The following GPC5 variants were observed in gnomAD, a reference collection of about 807,000 sequenced individuals.
GPC5 encodes glypican 5.
A neutral mutation model predicts 53.9 loss-of-function variants in GPC5; 47 were observed. The ratio of observed to expected loss-of-function variants is 0.87; its 90% CI spans 0.69 to 1.11. GPC5 has a LOEUF of 1.11. GPC5 is among the 50% of genes most tolerant of loss of function. The pLI is 0.00. For synonymous variants in GPC5, 286 were observed against 263.3 expected, an observed-to-expected ratio of 1.09 and a Z score of -0.84; for missense variants, 748 against 713.1, an observed-to-expected ratio of 1.05 and a Z score of -0.56.
chr13:92,807,158 T>C (rs1877127201), intron 7 of GPC5, among the ~76,000 whole-genome samples: 1 of 152,082 alleles, frequency 6.6e-6, no homozygotes, highest in African/African-American at 2.4e-5. Context: ...CATATAAAGA[T>C]TTTGCTATTA....
At position 92,249,580 on chromosome 13, in the gene GPC5, T is replaced by C. The variant is rs572871927; in HGVS notation, c.1561+104591T>C. Among the ~76,000 whole-genome samples the C allele has an allele frequency of 4.6e-5, 7 of 152,176 alleles. No homozygotes were observed. In the East Asian group the frequency reaches 1.2e-3, roughly 25 times the overall value. On this transcript the variant is annotated intron_variant, in intron 7 of 7. Transcript: ENST00000377067. ...TCCTACTGTCACTTTTCTTTTCTTA[T>C]GGATTAGCATTGAGGGGATGGTCAG...
At chr13:92,069,410 G>A (rs1030734281) in intron 6 of GPC5, among the ~76,000 whole-genome samples, 2 of 32,368 alleles carry the variant, frequency 6.2e-5, no homozygotes, top group African/African-American at 1.8e-4. Flanking sequence ...GTGCGTGCAT[G>A]TGTGTGTGTG....
At chr13:92,480,290 A>G (rs9523677) in intron 7 of GPC5, among the ~76,000 whole-genome samples, 23,144 of 152,144 alleles carry the variant, frequency 0.15, 2,326 homozygotes, top group Non-Finnish European at 0.22. Flanking sequence ...TTAAATGTGA[A>G]CATTGCCTTG....
At chr13:91,421,108 A>G (rs1399017418) in intron 1 of GPC5, among the ~76,000 whole-genome samples, 1 of 152,226 alleles carries the variant, frequency 6.6e-6, no homozygotes, top group Non-Finnish European at 1.5e-5. Context: ...TCTACCAATC[A>G]TTACAAATTA....
chr13:92,112,894 C>T (rs2138930305), intron 6 of GPC5, among the ~76,000 whole-genome samples: 1 of 152,210 alleles, frequency 6.6e-6, no homozygotes, highest in Admixed American at 6.5e-5. Flanking sequence ...TACATGAAAG[C>T]ATTTATGCCT....
At chr13:91,406,233 A>G (rs1004057501) in intron 1 of GPC5, among the ~76,000 whole-genome samples, 7 of 152,228 alleles carry the variant, frequency 4.6e-5, no homozygotes, top group African/African-American at 1.7e-4. Flanking sequence ...GAATAATTTA[A>G]TAAAGCTTTA....
chr13:91,929,454 T>A (rs1431859042), intron 6 of GPC5, among the ~76,000 whole-genome samples: 3 of 152,164 alleles, frequency 2.0e-5, no homozygotes, highest in African/African-American at 7.2e-5. Context: ...CGTTGTTTTC[T>A]ATTTTTGGAT....
intron 2 of GPC5, among the ~76,000 whole-genome samples, chr13:91,487,929 GT>G (rs10684260): frequency 0.012 from 1,754 of 146,990 alleles, 44 homozygotes; most frequent in African/African-American, 0.042. Flanking sequence ...ATTTAAACAG[GT>G]TTTTTTTTTT....
intron 7 of GPC5, among the ~76,000 whole-genome samples, chr13:92,360,024 T>C (rs979727965): frequency 3.3e-5 from 5 of 151,804 alleles, no homozygotes; most frequent in African/African-American, 1.2e-4. Context: ...TTCTATATGT[T>C]GTCTGTTTAC....
intron 5 of GPC5, among the ~76,000 whole-genome samples, chr13:91,782,963 A>T (rs1312652492): frequency 6.6e-6 from 1 of 152,064 alleles, no homozygotes; most frequent in East Asian, 1.9e-4. Flanking sequence ...TTTTTTTCCT[A>T]ACATTTATTC....
intron 7 of GPC5, among the ~76,000 whole-genome samples, chr13:92,760,714 T>G (rs1484659300): frequency 6.6e-6 from 1 of 152,072 alleles, no homozygotes; most frequent in African/African-American, 2.4e-5. Flanking sequence ...TTTAGTTTGA[T>G]CTTTATTTTT....
intron 7 of GPC5, among the ~76,000 whole-genome samples, chr13:92,301,214 T>A (rs925393147): frequency 1.3e-5 from 2 of 152,200 alleles, no homozygotes; most frequent in Non-Finnish European, 2.9e-5. Flanking sequence ...TAACTTATAA[T>A]GTTTTCAAAG....
chr13:92,496,855 A>G (rs1474823590), intron 7 of GPC5, among the ~76,000 whole-genome samples: 1 of 152,176 alleles, frequency 6.6e-6, no homozygotes, highest in Non-Finnish European at 1.5e-5. Context: ...AAATCCATGC[A>G]GGTCTCCCAC....
intron 6 of GPC5, among the ~76,000 whole-genome samples, chr13:91,956,000 A>G (rs995713952): frequency 2.0e-5 from 3 of 152,118 alleles, no homozygotes; most frequent in African/African-American, 7.2e-5. Context: ...GCCTGCCTAC[A>G]GTACATCTGC....
chr13:91,536,959 CAAAG>C (rs1290280875), intron 2 of GPC5, among the ~76,000 whole-genome samples: 1 of 151,936 alleles, frequency 6.6e-6, no homozygotes, highest in African/African-American at 2.4e-5. Flanking sequence ...ATGAACGAAT[CAAAG>C]AAATCACAAG....
chr13:92,160,430 T>G (rs529694732), intron 7 of GPC5, among the ~76,000 whole-genome samples: 3 of 152,306 alleles, frequency 2.0e-5, no homozygotes, highest in Non-Finnish European at 4.4e-5. Context: ...TTCTATAGGT[T>G]TATATTCTAC....
intron 5 of GPC5, among the ~76,000 whole-genome samples, chr13:91,798,328 G>A (rs1030562935): frequency 5.9e-5 from 9 of 151,988 alleles, no homozygotes; most frequent in African/African-American, 2.2e-4. Flanking sequence ...TATTCTTCTT[G>A]ATGCTGTCCC....
intron 7 of GPC5, among the ~76,000 whole-genome samples, chr13:92,840,634 A>T (rs1376016880): frequency 6.6e-6 from 1 of 152,080 alleles, no homozygotes; most frequent in African/African-American, 2.4e-5. Context: ...CTATTTCTGT[A>T]AAAAAATGCC....
At chr13:91,960,334 C>T (rs755557603) in intron 6 of GPC5, among the ~76,000 whole-genome samples, 1 of 151,476 alleles carries the variant, frequency 6.6e-6, no homozygotes, top group Non-Finnish European at 1.5e-5. Context: ...ACAATGGCTA[C>T]AAAAAAATAA....
Sources: gnomAD v4.1 joint callset for allele counts (sites outside exome capture counted in the v4.1 genomes callset) on GRCh38, gnomAD v4.1.1 for gene constraint, MANE v1.5 for transcripts, NCBI Gene and HGNC (gene_info 2026-07-23, HGNC 2026-07-21) for gene names.